Variants in SUFU observed in about 807,000 individuals in gnomAD.
The protein encoded by SUFU is suppressor of fused homolog.
Under a neutral mutation model 58.9 loss-of-function variants are expected in SUFU, and 7 were observed. The ratio of observed to expected loss-of-function variants is 0.12; its 90% CI spans 0.07 to 0.22. The LOEUF (loss-of-function observed/expected upper bound fraction) is 0.22, where lower values mean the gene tolerates loss of function less well. SUFU is among the 10% of genes least tolerant of loss of function. The pLI is 1.00. For missense variants in SUFU, 451 were observed against 641.3 expected (o/e 0.70, Z 3.20); for synonymous variants, 232 against 254.8 (o/e 0.91, Z 0.85).
At chr10:102,589,657 G>A (rs1041264906) in intron 3 of SUFU, among the ~76,000 whole-genome samples, 1 of 151,896 alleles carries the variant, frequency 6.6e-6, no homozygotes, top group Middle Eastern at 3.4e-3. Context: ...TATTGGTCAG[G>A]CTGGTCTCAG....
intron 1 of SUFU, among the ~76,000 whole-genome samples, chr10:102,508,830 C>CA (rs1477227914): frequency 6.6e-6 from 1 of 152,190 alleles, no homozygotes; most frequent in Non-Finnish European, 1.5e-5. Context: ...GGCATGTATA[C>CA]AGGCACCACA....
chr10:102,586,908 C>G (rs750447440), intron 3 of SUFU, among the ~76,000 whole-genome samples: 2 of 152,186 alleles, frequency 1.3e-5, no homozygotes, highest in Non-Finnish European at 2.9e-5. Context: ...TTTTCTGTCT[C>G]TATAAATTTG....
intron 8 of SUFU, among the ~76,000 whole-genome samples, chr10:102,601,072 C>T (rs2063511264): frequency 1.3e-5 from 2 of 152,192 alleles, no homozygotes; most frequent in Admixed American, 1.3e-4. Context: ...TGTTGGCAGG[C>T]CAGAGGTACT....
chr10:102,582,153 T>A (rs755394567), intron 3 of SUFU, among the ~76,000 whole-genome samples: 8 of 152,142 alleles, frequency 5.3e-5, no homozygotes, highest in Non-Finnish European at 8.8e-5. Flanking sequence ...GCTCCTGGGC[T>A]CCCAAAGGGA....
At chr10:102,513,247 A>G (rs1345674243) in intron 2 of SUFU, among the ~76,000 whole-genome samples, 1 of 152,180 alleles carries the variant, frequency 6.6e-6, no homozygotes, top group Non-Finnish European at 1.5e-5. Flanking sequence ...CCTCATTTAA[A>G]TTAGTACTCA....
At chr10:102,574,786 C>A (rs2063196583) in intron 3 of SUFU, among the ~76,000 whole-genome samples, 2 of 152,210 alleles carry the variant, frequency 1.3e-5, no homozygotes, top group South Asian at 4.1e-4. Context: ...ACAGGCCGGG[C>A]ACAGTGGCTC....
intron 3 of SUFU, among the ~76,000 whole-genome samples, chr10:102,550,532 G>A (rs1038485394): frequency 1.3e-5 from 2 of 152,172 alleles, no homozygotes; most frequent in African/African-American, 4.8e-5. Flanking sequence ...AAATATCACA[G>A]ATAAAGTTCA....
In SUFU at chr10:102,504,053, C is replaced by T; in HGVS notation, c.-100C>T. ...TAGACCTCGCTGCAGCCCCCATCGC[C>T]TCGGGGAGTCTCACCCACCGAGTCC... On this transcript the variant is annotated 5_prime_UTR_variant, in exon 1 of 12. Coordinates refer to ENST00000369902, the MANE Select transcript of SUFU (RefSeq NM_016169.4). 1 of 1,434,000 alleles carries T rather than the reference C, an allele frequency of 7.0e-7. No homozygotes were observed. Among genetic ancestry groups the T allele is most frequent in the African/African-American group, 1.4e-5 (1 of 69,690 alleles). 88.8% of individuals were successfully genotyped at this position (1,434,000 alleles called of 1,614,324 possible). A position where few individuals can be genotyped will look rare whatever the true frequency, so the allele number is the denominator to read the frequency against.
intron 2 of SUFU, among the ~76,000 whole-genome samples, chr10:102,529,141 T>C (rs2062647336): frequency 6.6e-6 from 1 of 152,206 alleles, no homozygotes. Flanking sequence ...ACAGTAGTAT[T>C]TGTGTTGTCA....
At chr10:102,582,803 G>A (rs1372063316) in intron 3 of SUFU, among the ~76,000 whole-genome samples, 1 of 152,190 alleles carries the variant, frequency 6.6e-6, no homozygotes, top group East Asian at 1.9e-4. Context: ...AAGCTCCAAG[G>A]AGGGAAGGGA....
At chr10:102,563,586 A>G (rs1266142806) in intron 3 of SUFU, among the ~76,000 whole-genome samples, 1 of 151,942 alleles carries the variant, frequency 6.6e-6, no homozygotes, top group Admixed American at 6.6e-5. Flanking sequence ...TGGGGAGGAT[A>G]GATTGAGTCC....
rs138387421 is a variant in SUFU at position 102,552,728 on chromosome 10, C to T, written c.454+2622C>T. Among the ~76,000 whole-genome samples the T allele has an allele frequency of 1.9e-3, 294 of 152,206 alleles. 3 individuals carry two copies. Among genetic ancestry groups the T allele is most frequent in the African/African-American group, 6.6e-3 (274 of 41,528 alleles). ...CTAGAGATAAAGGCTAAAGTATTAA[C>T]GGATAAAAGGACCTGATGTCTTTAA... On this transcript the variant is annotated intron_variant, in intron 3 of 11. Coordinates refer to ENST00000369902, the MANE Select transcript of SUFU (RefSeq NM_016169.4).
At position 102,617,783 on chromosome 10, in the gene SUFU, G is replaced by A. The variant is rs1564707664; in HGVS notation, c.1296+355G>A. 2 of 530,630 alleles carry A rather than the reference G, an allele frequency of 3.8e-6. No homozygotes were observed. Among genetic ancestry groups the A allele is most frequent in the Non-Finnish European group, 3.3e-6 (1 of 302,708 alleles). 32.9% of individuals were successfully genotyped at this position (530,630 alleles called of 1,614,324 possible). ...GTACAAGAACTCAAGGATGAAGCAA[G>A]ATGGGAGGATGTGTGGAGGCCACTC... On this transcript the variant is annotated intron_variant, in intron 10 of 11. Transcript: ENST00000369902. The surrounding 1 kb of genome is among the most constrained non-coding windows in gnomAD (Gnocchi z 4.4).
chr10:102,533,691 G>A (rs1018366405), intron 2 of SUFU, among the ~76,000 whole-genome samples: 2 of 152,244 alleles, frequency 1.3e-5, no homozygotes, highest in Non-Finnish European at 2.9e-5. Flanking sequence ...AGCAACAACA[G>A]ACAAATTCTC....
intron 10 of SUFU, among the ~76,000 whole-genome samples, chr10:102,621,329 G>A (rs890265826): frequency 2.0e-5 from 3 of 152,154 alleles, no homozygotes; most frequent in Non-Finnish European, 4.4e-5. Flanking sequence ...CCAGCAATGC[G>A]CCTGGGGAAG....
intron 6 of SUFU, among the ~76,000 whole-genome samples, chr10:102,594,494 T>C (rs1286575165): frequency 1.3e-5 from 2 of 151,626 alleles, no homozygotes; most frequent in Non-Finnish European, 2.9e-5. Flanking sequence ...GCTGCAGGAG[T>C]GAGGGCTGAT....
chr10:102,606,350 G>A (rs1564702632), intron 8 of SUFU, among the ~76,000 whole-genome samples: 2 of 152,220 alleles, frequency 1.3e-5, no homozygotes. Flanking sequence ...TTGGTGTGGT[G>A]CTCTCAATAT....
At chr10:102,576,531 G>C (rs1304118385) in intron 3 of SUFU, among the ~76,000 whole-genome samples, 1 of 152,120 alleles carries the variant, frequency 6.6e-6, no homozygotes, top group Non-Finnish European at 1.5e-5. Flanking sequence ...ATTACAAACA[G>C]TACAAAGATG....
intron 2 of SUFU, among the ~76,000 whole-genome samples, chr10:102,538,348 G>A (rs1325184223): frequency 1.5e-5 from 2 of 130,052 alleles, no homozygotes; most frequent in South Asian, 2.4e-4. Context: ...TATGCAAGAG[G>A]CTTTTTTTTT....
Sources: gnomAD v4.1 joint callset for allele counts (sites outside exome capture counted in the v4.1 genomes callset) on GRCh38, gnomAD v4.1.1 for gene constraint, Gnocchi (gnomAD v3.1) non-coding constraint, MANE v1.5 for transcripts, NCBI Gene and HGNC (gene_info 2026-07-23, HGNC 2026-07-21) for gene names.